Variants in GRIK4 observed in about 807,000 individuals in gnomAD.
GRIK4 encodes the protein glutamate ionotropic receptor kainate type subunit 4, also known as glutamate receptor ionotropic, kainate 4.
A neutral mutation model predicts 104.9 loss-of-function variants in GRIK4; 40 were observed. The ratio of observed to expected loss-of-function variants is 0.38; its 90% CI spans 0.30 to 0.50. GRIK4 has a LOEUF of 0.50. Among genes scored for constraint, GRIK4 ranks in the 20% least tolerant of loss-of-function variants. GRIK4 has a pLI of 0.93. For missense variants in GRIK4, 1,047 were observed against 1,308.1 expected (o/e 0.80, Z 3.08); for synonymous variants, 485 against 524.9 (o/e 0.92, Z 1.04).
chr11:120,655,206 A>T (rs1046576215), intron 2 of GRIK4, among the ~76,000 whole-genome samples: 2 of 151,666 alleles, frequency 1.3e-5, no homozygotes, highest in Non-Finnish European at 2.9e-5. Flanking sequence ...GTGGCAGCAG[A>T]TGGGGAGGGG....
chr11:120,934,412 G>C (rs1489355198), intron 13 of GRIK4, among the ~76,000 whole-genome samples: 1 of 152,086 alleles, frequency 6.6e-6, no homozygotes, highest in Non-Finnish European at 1.5e-5. Flanking sequence ...AGCCCGGAGT[G>C]GGAGCAGGGG....
chr11:120,974,260 T>C (rs562096017), intron 19 of GRIK4, among the ~76,000 whole-genome samples: 1 of 152,364 alleles, frequency 6.6e-6, no homozygotes, highest in East Asian at 1.9e-4. Flanking sequence ...ATTTTTTTCC[T>C]GTGTCTCAGA....
At chr11:120,625,275 A>G (rs910661728) in intron 1 of GRIK4, among the ~76,000 whole-genome samples, 4 of 152,096 alleles carry the variant, frequency 2.6e-5, no homozygotes, top group South Asian at 2.1e-4. Flanking sequence ...TAAGTTTCCT[A>G]TGGTGGTTGG....
At chr11:120,587,716 C>A (rs768369262) in intron 1 of GRIK4, among the ~76,000 whole-genome samples, 1 of 152,140 alleles carries the variant, frequency 6.6e-6, no homozygotes, top group Non-Finnish European at 1.5e-5. Flanking sequence ...ATGGCTCAGC[C>A]AGTGGTCAGC....
chr11:120,726,377 G>T (rs1951027919), intron 3 of GRIK4, among the ~76,000 whole-genome samples: 1 of 152,226 alleles, frequency 6.6e-6, no homozygotes, highest in Non-Finnish European at 1.5e-5. Flanking sequence ...GAGGCAGAGA[G>T]ACCAGTCAGG....
At chr11:120,626,191 G>A (rs1318169802) in intron 1 of GRIK4, among the ~76,000 whole-genome samples, 1 of 152,174 alleles carries the variant, frequency 6.6e-6, no homozygotes, top group East Asian at 1.9e-4. Context: ...AGTCCTTAGA[G>A]CTGCTATTAG....
At chr11:120,942,349 C>T (rs1943745801) in intron 14 of GRIK4, among the ~76,000 whole-genome samples, 1 of 152,172 alleles carries the variant, frequency 6.6e-6, no homozygotes, top group Non-Finnish European at 1.5e-5. Flanking sequence ...TTCTGGAGCT[C>T]CCCTCCCCCA....
intron 3 of GRIK4, among the ~76,000 whole-genome samples, chr11:120,754,021 G>T (rs942562311): frequency 6.6e-6 from 1 of 151,978 alleles, no homozygotes; most frequent in African/African-American, 2.4e-5. Context: ...CTTTAGATTT[G>T]CGGATTTTGG....
intron 6 of GRIK4, among the ~76,000 whole-genome samples, chr11:120,822,384 A>C (rs1230024662): frequency 2.0e-5 from 3 of 152,112 alleles, no homozygotes; most frequent in African/African-American, 7.2e-5. Context: ...GTTTGGCTAG[A>C]GTCTCATAAT....
At chr11:120,576,944 C>T (rs534528923) in intron 1 of GRIK4, among the ~76,000 whole-genome samples, 33 of 152,210 alleles carry the variant, frequency 2.2e-4, no homozygotes, top group Non-Finnish European at 4.0e-4. Context: ...ACTCAGCTCC[C>T]TGTTCTCCTA....
intron 19 of GRIK4, among the ~76,000 whole-genome samples, chr11:120,968,897 T>C (rs1464608190): frequency 6.6e-6 from 1 of 152,222 alleles, no homozygotes; most frequent in Non-Finnish European, 1.5e-5. Context: ...AGCACAGAGC[T>C]TGGCTCATCC....
intron 3 of GRIK4, among the ~76,000 whole-genome samples, chr11:120,667,463 T>C (rs540945272): frequency 6.6e-6 from 1 of 152,264 alleles, no homozygotes; most frequent in Non-Finnish European, 1.5e-5. Flanking sequence ...GCGGGACGCG[T>C]GCGTGTGCAT....
chr11:120,782,086 C>T (rs1035903198), intron 3 of GRIK4, among the ~76,000 whole-genome samples: 1 of 152,068 alleles, frequency 6.6e-6, no homozygotes, highest in Admixed American at 6.6e-5. Flanking sequence ...CCCCATCATT[C>T]TCTCATACTT....
intron 3 of GRIK4, among the ~76,000 whole-genome samples, chr11:120,746,197 C>T (rs1951435472): frequency 6.6e-6 from 1 of 152,188 alleles, no homozygotes; most frequent in Admixed American, 6.5e-5. Context: ...TATTCCTTCC[C>T]TTTCCTCCCC....
chr11:120,745,092 C>T (rs948030), intron 3 of GRIK4, among the ~76,000 whole-genome samples: 1 of 152,018 alleles, frequency 6.6e-6, no homozygotes, highest in Non-Finnish European at 1.5e-5. Context: ...GACCGTCCCA[C>T]CTCATCCTTG....
intron 1 of GRIK4, among the ~76,000 whole-genome samples, chr11:120,639,504 T>C (rs4293124): frequency 0.17 from 25,267 of 152,188 alleles, 5,417 homozygotes; most frequent in African/African-American, 0.5. Flanking sequence ...TTCCCCTGTC[T>C]CGCAGTCTCT....
intron 3 of GRIK4, among the ~76,000 whole-genome samples, chr11:120,698,424 C>T (rs1316133849): frequency 6.6e-6 from 1 of 152,156 alleles, no homozygotes; most frequent in African/African-American, 2.4e-5. Flanking sequence ...GGTGAGTTAC[C>T]CTCTCTGAGC....
chr11:120,639,193 TC>T (rs1203050916), intron 1 of GRIK4, among the ~76,000 whole-genome samples: 4 of 151,542 alleles, frequency 2.6e-5, no homozygotes, highest in Admixed American at 6.6e-5. Context: ...AAACTCCATC[TC>T]AAAAAATAAA....
chr11:120,830,967 A>G (rs1953413027), intron 6 of GRIK4, among the ~76,000 whole-genome samples: 1 of 147,654 alleles, frequency 6.8e-6, no homozygotes, highest in East Asian at 2.0e-4. Flanking sequence ...CTCATGTCTC[A>G]GTGACATCAT....
Sources: gnomAD v4.1 joint callset for allele counts (sites outside exome capture counted in the v4.1 genomes callset) on GRCh38, gnomAD v4.1.1 for gene constraint, MANE v1.5 for transcripts, NCBI Gene and HGNC (gene_info 2026-07-23, HGNC 2026-07-21) for gene names.